The following GLRX3 variants were observed in gnomAD, a reference collection of about 807,000 sequenced individuals.
The protein encoded by GLRX3 is glutaredoxin 3.
In GLRX3, 22 loss-of-function variants were observed where a neutral mutation model predicts 49.5. The ratio of observed to expected loss-of-function variants is 0.44; its 90% CI spans 0.32 to 0.63. The LOEUF is 0.63. Among genes scored for constraint, GLRX3 ranks in the 30% least tolerant of loss-of-function variants. GLRX3 has a pLI of 0.05. For synonymous variants in GLRX3, 133 were observed against 140.0 expected (o/e 0.95, Z 0.35); for missense variants, 385 against 396.3 (o/e 0.97, Z 0.24).
chr10:130,136,395 G>T lies in GLRX3; in HGVS notation c.-26G>T. 1 of 1,247,244 alleles carries T rather than the reference G, an allele frequency of 8.0e-7. No homozygotes were observed. The allele number at this position is 1,247,244 out of a possible 1,614,324, so 77.3% of individuals were successfully genotyped here. A position where few individuals can be genotyped will look rare whatever the true frequency, so the allele number is the denominator to read the frequency against. On this transcript the variant is annotated 5_prime_UTR_variant, in exon 1 of 11. Coordinates refer to ENST00000331244, the MANE Select transcript of GLRX3 (RefSeq NM_006541.5). ...CGCCCACATCCGGCCGCCGGCACTG[G>T]ATTGCTTCTGTCTGGCGGCGGCAGC...
chr10:130,167,408 A>T (rs1862714014), intron 6 of GLRX3, among the ~76,000 whole-genome samples: 1 of 152,212 alleles, frequency 6.6e-6, no homozygotes. Flanking sequence ...TGAAAAACTC[A>T]TCACCTCGCA....
intron 2 of GLRX3, among the ~76,000 whole-genome samples, chr10:130,154,834 A>G (rs1590063664): frequency 6.6e-6 from 1 of 152,226 alleles, no homozygotes; most frequent in Non-Finnish European, 1.5e-5. Context: ...AACAAATAGT[A>G]GACATATATG....
intron 4 of GLRX3, among the ~76,000 whole-genome samples, chr10:130,165,446 TAATAA>T (rs1198830791): frequency 6.6e-6 from 1 of 152,138 alleles, no homozygotes; most frequent in Non-Finnish European, 1.5e-5. Flanking sequence ...CACAAAAGTA[TAATAA>T]AATCATGGAA....
At chr10:130,146,294 A>G (rs778449585) in intron 2 of GLRX3, among the ~76,000 whole-genome samples, 12 of 152,212 alleles carry the variant, frequency 7.9e-5, no homozygotes, top group Non-Finnish European at 1.5e-4. Flanking sequence ...AGGAAGGGGT[A>G]TGTAAATGCT....
At chr10:130,153,067 G>T (rs184521927) in intron 2 of GLRX3, among the ~76,000 whole-genome samples, 5 of 152,200 alleles carry the variant, frequency 3.3e-5, no homozygotes, top group Admixed American at 6.5e-5. Context: ...TTCCATCACT[G>T]ATATCCTTTT....
chr10:130,161,464 T>G (rs1318644774), intron 4 of GLRX3, among the ~76,000 whole-genome samples: 1 of 152,244 alleles, frequency 6.6e-6, no homozygotes, highest in Non-Finnish European at 1.5e-5. Flanking sequence ...TGTTTTTGTG[T>G]CCAGCCTGTG....
At chr10:130,141,312 AT>A (rs1192833721) in intron 1 of GLRX3, among the ~76,000 whole-genome samples, 5 of 150,848 alleles carry the variant, frequency 3.3e-5, no homozygotes, top group Non-Finnish European at 4.4e-5. Flanking sequence ...GAAAAAAAAA[AT>A]TTTTTTTTTG....
intron 1 of GLRX3, among the ~76,000 whole-genome samples, chr10:130,141,124 T>G (rs1361542208): frequency 1.3e-5 from 2 of 152,148 alleles, no homozygotes; most frequent in African/African-American, 4.8e-5. Context: ...ATTGATTGCT[T>G]GAGCCCAGGA....
chr10:130,145,206 T>G lies in GLRX3; in HGVS notation c.93-5T>G. ...TTTAAATAAATGCATTTAATTGATT[T>G]ACAGGTCCCTCCTTGTGGTCCATTT... On this transcript the variant is annotated splice_polypyrimidine_tract_variant and splice_region_variant and intron_variant, in intron 1 of 10. Transcript: ENST00000331244. 8.3e-7 allele frequency: 1 copy of G among 1,206,076 alleles called. No individual in the cohort carries two copies. The highest frequency in any genetic ancestry group is 1.5e-5 in the African/African-American group (1 of 67,084). 74.7% of individuals were successfully genotyped at this position (1,206,076 alleles called of 1,614,324 possible).
chr10:130,158,633 A>G (rs1862521439), intron 2 of GLRX3, among the ~76,000 whole-genome samples: 1 of 152,144 alleles, frequency 6.6e-6, no homozygotes, highest in Non-Finnish European at 1.5e-5. Flanking sequence ...GGAGGATGGT[A>G]GTGTAGGCAT....
intron 4 of GLRX3, among the ~76,000 whole-genome samples, chr10:130,163,025 T>C (rs954992650): frequency 9.2e-5 from 14 of 152,348 alleles, no homozygotes; most frequent in Admixed American, 5.9e-4. Context: ...ATTTAAAATA[T>C]ACTGCTAGCA....
intron 2 of GLRX3, among the ~76,000 whole-genome samples, chr10:130,158,081 G>C (rs778931894): frequency 6.6e-6 from 1 of 152,142 alleles, no homozygotes; most frequent in East Asian, 1.9e-4. Flanking sequence ...CCCTTCCTCT[G>C]GGAGCTGATT....
At chr10:130,140,204 TATA>T (rs1413355048) in intron 1 of GLRX3, among the ~76,000 whole-genome samples, 1 of 152,216 alleles carries the variant, frequency 6.6e-6, no homozygotes, top group African/African-American at 2.4e-5. Context: ...AGCAGAATAC[TATA>T]ATAATTGAAA....
At position 130,146,749 on chromosome 10, in the gene GLRX3, C is replaced by G. The variant is rs1179269267; in HGVS notation, c.201+1430C>G. 9.2e-5 allele frequency among the ~76,000 whole-genome samples: 14 copies of G among 152,276 alleles called. No homozygotes were observed. The South Asian group carries it at 2.9e-3, about 32-fold the overall frequency. On this transcript the variant is annotated intron_variant, in intron 2 of 10. Transcript: ENST00000331244. ...ATCTGTGAGTTCAGAGTACATGTTA[C>G]CCAATATACTCATATATGGGATTAA...
intron 2 of GLRX3, among the ~76,000 whole-genome samples, chr10:130,157,439 C>G (rs1862492255): frequency 1.5e-5 from 2 of 133,580 alleles, no homozygotes; most frequent in African/African-American, 2.8e-5. Flanking sequence ...TTTTCCTCTG[C>G]ATTTTTTTTT....
At chr10:130,149,952 A>T (rs1862340852) in intron 2 of GLRX3, among the ~76,000 whole-genome samples, 1 of 150,308 alleles carries the variant, frequency 6.7e-6, no homozygotes, top group Non-Finnish European at 1.5e-5. Flanking sequence ...AAAAAAAAAA[A>T]ATAGGGCCGG....
rs148850475 is a variant in GLRX3 at position 130,168,053 on chromosome 10, G to A, written c.713+1073G>A. On this transcript the variant is annotated intron_variant, in intron 6 of 10. Coordinates refer to ENST00000331244, the MANE Select transcript of GLRX3 (RefSeq NM_006541.5). ...TCCTTCTCTGCTGAGTGCACTTGCC[G>A]CTGTTAATGGCCTTGTCTCCATCAG... 3.2e-3 allele frequency among the ~76,000 whole-genome samples: 486 copies of A among 152,286 alleles called. 3 individuals are homozygous for A. Among genetic ancestry groups the A allele is most frequent in the African/African-American group, 9.8e-3 (408 of 41,554 alleles).
chr10:130,150,239 CAAA>C (rs35014993), intron 2 of GLRX3, among the ~76,000 whole-genome samples: 4 of 94,516 alleles, frequency 4.2e-5, no homozygotes, highest in Non-Finnish European at 8.6e-5. Context: ...GACTCCATCT[CAAA>C]AAAAAAAAAA....
Position 130,169,414 on chromosome 10 carries a change from A to G in GLRX3, c.714-19A>G. 6.4e-7 allele frequency: 1 copy of G among 1,573,788 alleles called. No homozygotes were observed. Among genetic ancestry groups the G allele is most frequent in the Non-Finnish European group, 8.7e-7 (1 of 1,143,188 alleles). ...GCATAATTGAGCTGAGCCGTTTTATATCAATTTTCTCTCTTTAGGCTCAAA... is the reference window on the plus strand; with the variant it reads ...GCATAATTGAGCTGAGCCGTTTTATGTCAATTTTCTCTCTTTAGGCTCAAA... On this transcript the variant is annotated intron_variant, in intron 6 of 10. Coordinates refer to ENST00000331244, the MANE Select transcript of GLRX3 (RefSeq NM_006541.5).
Sources: gnomAD v4.1 joint callset for allele counts (sites outside exome capture counted in the v4.1 genomes callset) on GRCh38, gnomAD v4.1.1 for gene constraint, MANE v1.5 for transcripts, NCBI Gene and HGNC (gene_info 2026-07-23, HGNC 2026-07-21) for gene names.